VPS13C: variants seen among roughly 807,000 people sequenced by gnomAD.
VPS13C encodes vacuolar protein sorting 13 homolog C, also known as intermembrane lipid transfer protein VPS13C.
In VPS13C, 358 loss-of-function variants were observed where a neutral mutation model predicts 456.8. The observed-to-expected ratio is 0.78, with a 90% CI of 0.72 to 0.86. The LOEUF is 0.86. Among genes scored for constraint, VPS13C ranks in the 40% least tolerant of loss-of-function variants. The pLI, the probability that VPS13C is intolerant of heterozygous loss-of-function variation, is 0.00. For missense variants in VPS13C, 4,818 were observed against 4,385.4 expected (o/e 1.10, Z -2.79); for synonymous variants, 1,578 against 1,486.7 (o/e 1.06, Z -1.41).
Position 61,882,671 on chromosome 15 carries a change from A to G in VPS13C, c.9549T>C (p.Phe3183=). ...TAAATTCAATCTGAATTCCTGATAA[A>G]AAGTCTCGTTTAATAGGGCTACGAA... is the stretch of plus-strand genomic sequence containing the variant. ...LPIRSPIKRD[F]LSGIQIEFKQ... Residue 3183 remains phenylalanine, a synonymous_variant, in exon 69 of 85, where the codon TTT becomes TTC. Coordinates refer to ENST00000644861, the MANE Select transcript of VPS13C (RefSeq NM_020821.3). The G allele has an allele frequency of 6.2e-7, 1 of 1,600,602 alleles. No individual in the cohort carries two copies. Among genetic ancestry groups the G allele is most frequent in the Non-Finnish European group, 8.5e-7 (1 of 1,173,864 alleles).
At chr15:61,912,115 T>C in intron 62 of VPS13C, 111 bp from the exon 63 acceptor site, 1 of 981,070 alleles carries the variant, frequency 1.0e-6, no homozygotes, top group African/African-American at 1.7e-5. Flanking sequence ...TAATAATTCT[T>C]AAATAAAGCA....
At chr15:61,897,503 C>T (rs867560478) in intron 66 of VPS13C, among the ~76,000 whole-genome samples, 3 of 151,722 alleles carry the variant, frequency 2.0e-5, no homozygotes, top group African/African-American at 4.8e-5. Context: ...AGGGTATCAG[C>T]GATGGAAGAT....
intron 9 of VPS13C, among the ~76,000 whole-genome samples, chr15:62,016,293 T>G (rs1184764490): frequency 6.6e-6 from 1 of 151,522 alleles, no homozygotes; most frequent in Non-Finnish European, 1.5e-5. Flanking sequence ...TTATTATACT[T>G]TAAGTTCTAG....
intron 34 of VPS13C, among the ~76,000 whole-genome samples, 194 bp from the exon 35 acceptor site, chr15:61,962,087 T>C (rs1447710810): frequency 1.3e-5 from 2 of 152,158 alleles, no homozygotes; most frequent in African/African-American, 4.8e-5. Context: ...ACTGAGCTAA[T>C]GTTATATGGT....
At chr15:62,059,405 G>T (rs1298674222) in intron 1 of VPS13C, among the ~76,000 whole-genome samples, 1 of 151,772 alleles carries the variant, frequency 6.6e-6, no homozygotes, top group Non-Finnish European at 1.5e-5. Flanking sequence ...CAAACCTTTT[G>T]TGGAGTGAGA....
chr15:61,901,241 A>T (rs1435737026), intron 66 of VPS13C, among the ~76,000 whole-genome samples: 1 of 152,200 alleles, frequency 6.6e-6, no homozygotes, highest in East Asian at 1.9e-4. Flanking sequence ...AATGGCAACA[A>T]AAGACAAAAT....
At chr15:62,006,983 A>G (rs957889141) in intron 15 of VPS13C, among the ~76,000 whole-genome samples, 2 of 152,294 alleles carry the variant, frequency 1.3e-5, no homozygotes, top group Non-Finnish European at 1.5e-5. Context: ...GATGTTTACT[A>G]ACAAAACAAG....
chr15:61,914,952 A>C (rs2043421533), intron 61 of VPS13C, among the ~76,000 whole-genome samples: 1 of 150,890 alleles, frequency 6.6e-6, no homozygotes, highest in African/African-American at 2.4e-5. Flanking sequence ...TTTGAGAACC[A>C]CTACTCCTGT....
intron 7 of VPS13C, 24 bp from the exon 8 acceptor site, chr15:62,023,544 A>T: frequency 1.3e-6 from 2 of 1,509,854 alleles, no homozygotes; most frequent in South Asian, 2.6e-5. Flanking sequence ...GAAAAATACA[A>T]GCTCAAGAGT....
chr15:61,921,640 G>T (rs925613324), intron 55 of VPS13C, among the ~76,000 whole-genome samples: 7 of 151,982 alleles, frequency 4.6e-5, no homozygotes, highest in Non-Finnish European at 1.0e-4. Context: ...TAAAAATACA[G>T]TGAGAAGAGG....
At chr15:61,864,447 G>A in intron 81 of VPS13C, 1 of 842,218 alleles carries the variant, frequency 1.2e-6, no homozygotes, top group Non-Finnish European at 1.4e-6. Flanking sequence ...ATAATGCATG[G>A]CTGAAAATAG....
In VPS13C at chr15:61,915,807, G is replaced by A; in HGVS notation, c.8271C>T (p.Val2757=). Reference sequence around the variant, plus strand: ...GCACCATCCGGCTGCCAATTCTCCTGACGTGGACTGACAGGTCGACTGTCG... The same window carrying A: ...GCACCATCCGGCTGCCAATTCTCCTAACGTGGACTGACAGGTCGACTGTCG... ...EVTTVDLSVH[V]RRIGSRMVLS... Residue 2757 remains valine, a synonymous_variant, in exon 61 of 85, where the codon GTC becomes GTT. Transcript: ENST00000644861. 1 of 1,614,040 alleles carries A rather than the reference G, an allele frequency of 6.2e-7. No homozygotes were observed. Among genetic ancestry groups the A allele is most frequent in the African/African-American group, 1.3e-5 (1 of 75,000 alleles).
intron 46 of VPS13C, among the ~76,000 whole-genome samples, chr15:61,941,424 A>C (rs867393478): frequency 2.6e-5 from 4 of 152,186 alleles, no homozygotes; most frequent in Non-Finnish European, 5.9e-5. Flanking sequence ...ATATATTACG[A>C]AGTTTTTTCC....
At chr15:61,923,849 A>G (rs1043086057) in intron 53 of VPS13C, among the ~76,000 whole-genome samples, 6 of 118,776 alleles carry the variant, frequency 5.1e-5, no homozygotes, top group African/African-American at 2.0e-4. Flanking sequence ...ATATGTGACC[A>G]CCCCTCTAAA....
chr15:61,858,554 A>C lies in VPS13C; in HGVS notation c.10953-2145T>G, dbSNP rs1894052981. ...CTCCAAGATTCCCCAACCCTGGTAT[A>C]TATCTCTGTATAGTGCCCTGGACTT... On this transcript the variant is annotated intron_variant, in intron 82 of 84. Transcript: ENST00000644861. The surrounding 1 kb of genome is among the most constrained non-coding windows in gnomAD (Gnocchi z 4.4). Among the ~76,000 whole-genome samples, 1 of 152,176 alleles carries C rather than the reference A, an allele frequency of 6.6e-6. No homozygotes were observed. Among genetic ancestry groups the C allele is most frequent in the Non-Finnish European group, 1.5e-5 (1 of 68,028 alleles).
intron 83 of VPS13C, 105 bp downstream of exon 83, chr15:61,856,181 A>G (rs1893893487): frequency 7.5e-7 from 1 of 1,325,694 alleles, no homozygotes; most frequent in East Asian, 2.4e-5. Context: ...CTCAGCATAT[A>G]GTAGTAATAA....
chr15:61,902,578 A>G (rs2043033167), intron 66 of VPS13C, among the ~76,000 whole-genome samples: 1 of 149,380 alleles, frequency 6.7e-6, no homozygotes, highest in Non-Finnish European at 1.5e-5. Flanking sequence ...TGACATTAAT[A>G]GAATCAAGGA....
At chr15:62,041,734 C>G (rs780757163) in intron 2 of VPS13C, among the ~76,000 whole-genome samples, 51 of 151,994 alleles carry the variant, frequency 3.4e-4, no homozygotes, top group South Asian at 1.2e-3. Flanking sequence ...GCAGGAGAAT[C>G]GCCTGAACCC....
At position 61,950,373 on chromosome 15, in the gene VPS13C, G is replaced by A. The variant is rs759599433; in HGVS notation, c.4581C>T (p.Thr1527=). The A allele has an allele frequency of 1.2e-6, 2 of 1,611,772 alleles. No individual in the cohort carries two copies. Among genetic ancestry groups the A allele is most frequent in the Admixed American group, 1.7e-5 (1 of 59,924 alleles). ...AAAGTTTTACCTTCAGTCTCTGTTT[G>A]GTACTGTCATGAATAGTTTTAAATT... The part of the protein sequence containing the change: ...GPEFKTIHDS[T]KQRLKVSFAS... The change falls in exon 41 of 85, where the codon ACC becomes ACT. Residue 1527 remains threonine, a synonymous_variant. Transcript: ENST00000644861.
Sources: allele counts gnomAD v4.1 joint callset (sites outside exome capture counted in the v4.1 genomes callset), GRCh38; gene constraint gnomAD v4.1.1; non-coding constraint Gnocchi (gnomAD v3.1); transcripts MANE v1.5; gene names NCBI Gene and HGNC (gene_info 2026-07-23, HGNC 2026-07-21).